MIPEP: variants seen among roughly 807,000 people sequenced by gnomAD.
MIPEP encodes the protein mitochondrial intermediate peptidase.
A neutral mutation model predicts 90.3 loss-of-function variants in MIPEP; 79 were observed. The observed-to-expected ratio is 0.87, with a 90% confidence interval of 0.73 to 1.05. The LOEUF (loss-of-function observed/expected upper bound fraction) is 1.05, where lower values mean the gene tolerates loss of function less well. MIPEP is among the 50% of genes least tolerant of loss of function. MIPEP has a pLI of 0.00. For missense variants in MIPEP, 940 were observed against 905.6 expected (o/e 1.04, Z -0.49); for synonymous variants, 334 against 315.8 (o/e 1.06, Z -0.61).
intron 18 of MIPEP, among the ~76,000 whole-genome samples, chr13:23,736,756 T>G (rs2138482098): frequency 6.6e-6 from 1 of 152,164 alleles, no homozygotes; most frequent in Middle Eastern, 3.4e-3. Flanking sequence ...GCCACTCCAC[T>G]CCCAGAACCA....
At chr13:23,802,633 A>G (rs568368614) in intron 16 of MIPEP, among the ~76,000 whole-genome samples, 106 of 151,494 alleles carry the variant, frequency 7.0e-4, no homozygotes, top group Non-Finnish European at 1.1e-3. Context: ...TGAATTTGTC[A>G]GTCTTTTGCT....
chr13:23,800,293 A>G (rs1000280658), intron 16 of MIPEP, among the ~76,000 whole-genome samples: 4 of 152,248 alleles, frequency 2.6e-5, no homozygotes, highest in African/African-American at 9.6e-5. Context: ...GTGAAAATGT[A>G]AAATTACAAA....
chr13:23,765,387 C>CT (rs1387337412), intron 16 of MIPEP, among the ~76,000 whole-genome samples: 1 of 152,182 alleles, frequency 6.6e-6, no homozygotes, highest in East Asian at 1.9e-4. Flanking sequence ...ATTCATAAAA[C>CT]TTTTATTACA....
At chr13:23,810,014 A>G in intron 14 of MIPEP, 90 bp from the exon 15 acceptor site, 1 of 689,970 alleles carries the variant, frequency 1.4e-6, no homozygotes, top group Non-Finnish European at 2.5e-6. Flanking sequence ...AATAACATCA[A>G]ATGTAACATG....
At chr13:23,798,285 A>T (rs1333177568) in intron 16 of MIPEP, among the ~76,000 whole-genome samples, 1 of 152,230 alleles carries the variant, frequency 6.6e-6, no homozygotes, top group Non-Finnish European at 1.5e-5. Flanking sequence ...TTCTAAAAAC[A>T]GTTTGTTACA....
At chr13:23,791,260 G>A (rs567260022) in intron 16 of MIPEP, among the ~76,000 whole-genome samples, 90 of 152,124 alleles carry the variant, frequency 5.9e-4, no homozygotes, top group Non-Finnish European at 1.1e-3. Flanking sequence ...GTATGGCCAG[G>A]AAAAGCACAC....
At chr13:23,757,366 C>T (rs550035446) in intron 17 of MIPEP, among the ~76,000 whole-genome samples, 1 of 152,290 alleles carries the variant, frequency 6.6e-6, no homozygotes, top group South Asian at 2.1e-4. Flanking sequence ...CCACCCACCA[C>T]ACCTCCTGCT....
intron 16 of MIPEP, among the ~76,000 whole-genome samples, chr13:23,787,483 C>A (rs1393171818): frequency 1.3e-5 from 2 of 152,082 alleles, no homozygotes; most frequent in Non-Finnish European, 2.9e-5. Flanking sequence ...GTCTCTTCTT[C>A]TAAGGCACTA....
chr13:23,874,600 T>G (rs1402995426), intron 5 of MIPEP, among the ~76,000 whole-genome samples: 1 of 152,218 alleles, frequency 6.6e-6, no homozygotes, highest in Non-Finnish European at 1.5e-5. Flanking sequence ...AATTCCATGA[T>G]TATCTAAAAC....
intron 18 of MIPEP, among the ~76,000 whole-genome samples, chr13:23,752,517 T>C (rs1411529504): frequency 1.3e-5 from 2 of 152,174 alleles, no homozygotes; most frequent in African/African-American, 2.4e-5. Flanking sequence ...TTAACAAATA[T>C]TCTAGTATAT....
intron 16 of MIPEP, among the ~76,000 whole-genome samples, chr13:23,778,485 C>A (rs954579814): frequency 1.3e-5 from 2 of 152,058 alleles, no homozygotes; most frequent in African/African-American, 4.8e-5. Context: ...CATGGGGACC[C>A]CTGGTGGCCT....
At chr13:23,762,115 A>G (rs1952552398) in intron 16 of MIPEP, among the ~76,000 whole-genome samples, 1 of 152,136 alleles carries the variant, frequency 6.6e-6, no homozygotes, top group African/African-American at 2.4e-5. Context: ...ACAGAGCAAG[A>G]ATCTGTCTCA....
intron 10 of MIPEP, among the ~76,000 whole-genome samples, chr13:23,845,825 G>A (rs1052467848): frequency 1.3e-5 from 2 of 151,718 alleles, no homozygotes; most frequent in Non-Finnish European, 2.9e-5. Flanking sequence ...CTTTAGCTAT[G>A]TGTGCTGCAT....
chr13:23,844,376 T>G (rs1453438241), intron 10 of MIPEP, among the ~76,000 whole-genome samples: 1 of 152,140 alleles, frequency 6.6e-6, no homozygotes, highest in Non-Finnish European at 1.5e-5. Context: ...CACTCCATCC[T>G]AACAAGCAGG....
At chr13:23,767,349 T>C (rs1952601931) in intron 16 of MIPEP, among the ~76,000 whole-genome samples, 1 of 152,182 alleles carries the variant, frequency 6.6e-6, no homozygotes, top group African/African-American at 2.4e-5. Flanking sequence ...AAATGAGACT[T>C]AGGTTAAAAA....
chr13:23,869,686 A>G (rs1279824808), intron 6 of MIPEP, among the ~76,000 whole-genome samples: 1 of 152,224 alleles, frequency 6.6e-6, no homozygotes, highest in Non-Finnish European at 1.5e-5. Flanking sequence ...ACCTCTACCC[A>G]GTGCGTGGAT....
At chr13:23,778,013 G>A (rs980510942) in intron 16 of MIPEP, among the ~76,000 whole-genome samples, 1 of 152,160 alleles carries the variant, frequency 6.6e-6, no homozygotes, top group East Asian at 1.9e-4. Context: ...GACATCTATT[G>A]CTTCCATTTA....
chr13:23,823,922 T>C (rs1383235543), intron 14 of MIPEP, among the ~76,000 whole-genome samples: 1 of 152,206 alleles, frequency 6.6e-6, no homozygotes, highest in Non-Finnish European at 1.5e-5. Context: ...AGCCAAACAC[T>C]GCATCAGTTG....
In MIPEP at chr13:23,847,423, C is replaced by T. The variant is rs75516237; in HGVS notation, c.1107-5935G>A. 4.0e-3 allele frequency among the ~76,000 whole-genome samples: 596 copies of T among 149,604 alleles called. 2 individuals carry two copies. The highest frequency in any genetic ancestry group is 0.014 in the African/African-American group (569 of 40,600). On this transcript the variant is annotated intron_variant, in intron 10 of 18. Coordinates refer to ENST00000382172, the MANE Select transcript of MIPEP (RefSeq NM_005932.4). ...ATTTTAAGAAACTGGACATGGTAAG[C>T]GCCGTCAAAAACTGCAGACATTAGG...
Sources: allele counts gnomAD v4.1 joint callset (sites outside exome capture counted in the v4.1 genomes callset), GRCh38; gene constraint gnomAD v4.1.1; transcripts MANE v1.5; gene names NCBI Gene and HGNC (gene_info 2026-07-23, HGNC 2026-07-21).